NRXN1: variants seen among roughly 807,000 people sequenced by gnomAD.
The protein encoded by NRXN1 is neurexin 1.
A neutral mutation model predicts 150.9 loss-of-function variants in NRXN1; 39 were observed. The ratio of observed to expected loss-of-function variants is 0.26; its 90% CI spans 0.20 to 0.34. The LOEUF (loss-of-function observed/expected upper bound fraction) is 0.34. NRXN1 is among the 10% of genes least tolerant of loss of function. The pLI, the probability that NRXN1 is intolerant of heterozygous loss-of-function variation, is 1.00. For missense variants in NRXN1, 1,815 were observed against 1,949.9 expected (o/e 0.93, Z 1.30); for synonymous variants, 924 against 757.0 (o/e 1.22, Z -3.62).
intron 17 of NRXN1, among the ~76,000 whole-genome samples, chr2:50,335,995 A>C (rs1199808669): frequency 1.3e-5 from 2 of 152,124 alleles, no homozygotes; most frequent in African/African-American, 4.8e-5. Context: ...AGATGTTTAC[A>C]TAATATCAAG....
At chr2:50,460,600 C>T (rs2088080825) in intron 17 of NRXN1, among the ~76,000 whole-genome samples, 1 of 152,108 alleles carries the variant, frequency 6.6e-6, no homozygotes, top group African/African-American at 2.4e-5. Context: ...AAAAGAAGAA[C>T]AAAGATAAGT....
At chr2:50,562,364 T>TA (rs1553795475) in intron 8 of NRXN1, among the ~76,000 whole-genome samples, 1 of 151,668 alleles carries the variant, frequency 6.6e-6, no homozygotes, top group Non-Finnish European at 1.5e-5. Context: ...GATAGATAGA[T>TA]GATTTCCTAC....
At chr2:50,826,377 T>C (rs1670449240) in intron 5 of NRXN1, among the ~76,000 whole-genome samples, 1 of 152,050 alleles carries the variant, frequency 6.6e-6, no homozygotes, top group East Asian at 1.9e-4. Flanking sequence ...AATGAGCCAG[T>C]GAAGGAAAGT....
At chr2:50,723,800 C>G (rs1024506348) in intron 5 of NRXN1, among the ~76,000 whole-genome samples, 1 of 152,114 alleles carries the variant, frequency 6.6e-6, no homozygotes. Context: ...TCTGGAGAGG[C>G]CTCTGAATGA....
At position 49,925,176 on chromosome 2, in the gene NRXN1, G is replaced by A. The variant is rs150286485; in HGVS notation, c.4217-2925C>T. ...GCACCTGTAGTCCCAGTTACTTGGGGGATTGAGGCAGGAGAATTGCTTGAA... is the reference window on the plus strand; with the variant it reads ...GCACCTGTAGTCCCAGTTACTTGGGAGATTGAGGCAGGAGAATTGCTTGAA... On this transcript the variant is annotated intron_variant, in intron 22 of 22. Coordinates refer to ENST00000401669, the MANE Select transcript of NRXN1 (RefSeq NM_001330078.2). Among the ~76,000 whole-genome samples the A allele has an allele frequency of 9.4e-3, 1,418 of 151,606 alleles. 31 individuals carry two copies. The highest frequency in any genetic ancestry group is 0.032 in the African/African-American group (1,338 of 41,310).
chr2:50,252,547 C>T (rs138371731), intron 17 of NRXN1, among the ~76,000 whole-genome samples: 12,962 of 152,064 alleles, frequency 0.085, 713 homozygotes, highest in African/African-American at 0.14. Context: ...GTGTGAGCCA[C>T]TGCGTCCAGC....
chr2:50,866,580 T>C (rs932121077), intron 5 of NRXN1, among the ~76,000 whole-genome samples: 1 of 151,908 alleles, frequency 6.6e-6, no homozygotes, highest in South Asian at 2.1e-4. Flanking sequence ...TACCCTCTTC[T>C]TACTTCACAA....
At chr2:50,483,013 T>C (rs1204577673) in intron 15 of NRXN1, among the ~76,000 whole-genome samples, 1 of 124,476 alleles carries the variant, frequency 8.0e-6, no homozygotes, top group Non-Finnish European at 1.6e-5. Context: ...ATCGCGCCCA[T>C]GCACTCCAGC....
intron 17 of NRXN1, among the ~76,000 whole-genome samples, chr2:50,399,657 T>C (rs1471538287): frequency 6.6e-6 from 1 of 151,846 alleles, no homozygotes; most frequent in Non-Finnish European, 1.5e-5. Context: ...CAGGTTCGTG[T>C]GGCTCTCACC....
chr2:50,481,766 T>TTTTTC (rs2090478949), intron 15 of NRXN1, among the ~76,000 whole-genome samples: 1 of 113,304 alleles, frequency 8.8e-6, no homozygotes, highest in Non-Finnish European at 1.8e-5. Context: ...GTTTCTTTTT[T>TTTTTC]TTTTTTTTTT....
At chr2:50,811,179 T>G (rs1668163451) in intron 5 of NRXN1, among the ~76,000 whole-genome samples, 1 of 152,154 alleles carries the variant, frequency 6.6e-6, no homozygotes, top group African/African-American at 2.4e-5. Flanking sequence ...ACATATCCTT[T>G]CTCTCAATGA....
intron 2 of NRXN1, among the ~76,000 whole-genome samples, chr2:50,936,179 T>A (rs761699252): frequency 1.3e-5 from 2 of 152,188 alleles, no homozygotes; most frequent in Non-Finnish European, 2.9e-5. Context: ...GATACTGAGG[T>A]CATCTGATAT....
intron 19 of NRXN1, among the ~76,000 whole-genome samples, chr2:50,084,652 C>T (rs1316794299): frequency 1.3e-5 from 2 of 152,198 alleles, no homozygotes; most frequent in Admixed American, 6.5e-5. Context: ...GGAAGGGGCT[C>T]CCACAGTGCA....
At chr2:50,980,987 G>C (rs1256375498) in intron 2 of NRXN1, among the ~76,000 whole-genome samples, 1 of 152,012 alleles carries the variant, frequency 6.6e-6, no homozygotes, top group Admixed American at 6.6e-5. Flanking sequence ...GGCACAGAGA[G>C]CTACTATGGC....
rs796259750 is a variant in NRXN1, at chr2:50,092,297, G to A, written c.3547-803C>T. Among the ~76,000 whole-genome samples, 5 of 152,200 alleles carry A rather than the reference G, an allele frequency of 3.3e-5. 1 individual carries two copies. The highest frequency in any genetic ancestry group is 1.2e-4 in the African/African-American group (5 of 41,524). ...TAACTTTAGAATTTCATAATATAAGGTGGCAAAGAGAAACATGTGCTATGT... is the reference window on the plus strand; with the variant it reads ...TAACTTTAGAATTTCATAATATAAGATGGCAAAGAGAAACATGTGCTATGT... On this transcript the variant is annotated intron_variant, in intron 18 of 22. Coordinates refer to ENST00000401669, the MANE Select transcript of NRXN1 (RefSeq NM_001330078.2).
intron 13 of NRXN1, among the ~76,000 whole-genome samples, chr2:50,501,759 T>C (rs1295824060): frequency 2.6e-5 from 4 of 152,144 alleles, no homozygotes; most frequent in Admixed American, 2.0e-4. Context: ...ATCTATGACC[T>C]AGGAAATCTC....
chr2:50,938,642 A>G (rs548715384), intron 2 of NRXN1, among the ~76,000 whole-genome samples: 21 of 152,322 alleles, frequency 1.4e-4, no homozygotes, highest in African/African-American at 3.8e-4. Flanking sequence ...TAATTCATAA[A>G]GAGTTTAAAT....
Position 50,236,985 on chromosome 2 carries a change from C to G in NRXN1, c.3365-15G>C. The G allele has an allele frequency of 6.2e-7, 1 of 1,612,676 alleles. No individual in the cohort carries two copies. The highest frequency in any genetic ancestry group is 1.3e-5 in the African/African-American group (1 of 74,964). On this transcript the variant is annotated splice_polypyrimidine_tract_variant and intron_variant, in intron 17 of 22. Coordinates refer to ENST00000401669, the MANE Select transcript of NRXN1 (RefSeq NM_001330078.2). Reference sequence around the variant, plus strand: ...TGTCGTCCCAGCTGGAAAACAAAAACCAAAACCAATTAGTCCAAATACATC... The same window carrying G: ...TGTCGTCCCAGCTGGAAAACAAAAAGCAAAACCAATTAGTCCAAATACATC...
intron 21 of NRXN1, chr2:49,973,682 C>A (rs997841623): frequency 7.2e-6 from 3 of 418,716 alleles, no homozygotes; most frequent in South Asian, 3.2e-5. Flanking sequence ...TGCTGATAAA[C>A]CCCTGAAGCT....
Sources: allele counts gnomAD v4.1 joint callset (sites outside exome capture counted in the v4.1 genomes callset), GRCh38; gene constraint gnomAD v4.1.1; transcripts MANE v1.5; gene names NCBI Gene and HGNC (gene_info 2026-07-23, HGNC 2026-07-21).